The following EBF4 variants were observed in gnomAD, a reference collection of about 807,000 sequenced individuals.
EBF4 encodes EBF transcription factor 4, also known as transcription factor COE4.
A neutral mutation model predicts 67.1 loss-of-function variants in EBF4; 34 were observed. The observed-to-expected ratio is 0.51, with a 90% confidence interval of 0.39 to 0.67. The LOEUF (loss-of-function observed/expected upper bound fraction) is 0.67. EBF4 is among the 30% of genes least tolerant of loss of function. The probability of loss-of-function intolerance (pLI) is 0.00; values close to 1 mark genes in which losing one functional copy is unlikely to be tolerated. For synonymous variants in EBF4, 387 were observed against 377.7 expected (o/e 1.02, Z -0.29); for missense variants, 837 against 873.3 (o/e 0.96, Z 0.52).
chr20:2,752,190 C>T (rs1013494500), exon 13 of EBF4: 243 of 1,427,460 alleles, frequency 1.7e-4, no homozygotes, highest in Non-Finnish European at 2.2e-4. Context: ...CACACCCCGC[C>T]GTCGTGGGCA....
intron 7 of EBF4, 100 bp downstream of exon 7, chr20:2,748,730 G>C: frequency 3.0e-6 from 4 of 1,342,950 alleles, no homozygotes; most frequent in Non-Finnish European, 4.1e-6. Flanking sequence ...CCCTGGGAAA[G>C]GCCTCCAAGG....
Position 2,716,001 on chromosome 20 carries a change from G to A in EBF4, c.557+6359G>A, listed in dbSNP as rs532238942. Among the ~76,000 whole-genome samples, 20 of 151,874 alleles carry A rather than the reference G, an allele frequency of 1.3e-4. No homozygotes were observed. In the East Asian group the frequency reaches 3.7e-3, roughly 28 times the overall value. The stretch of plus-strand genomic sequence containing the variant: ...TGACCTCAAGTGGTCTGCCTGCCTT[G>A]GCCTCCCGAAGTGCTGGGATTACAG... On this transcript the variant is annotated intron_variant, in intron 6 of 16. Coordinates refer to ENST00000609451, the Ensembl canonical transcript of EBF4.
intron 6 of EBF4, among the ~76,000 whole-genome samples, chr20:2,712,637 A>G (rs1194963655): frequency 6.6e-6 from 1 of 152,228 alleles, no homozygotes; most frequent in African/African-American, 2.4e-5. Flanking sequence ...TTCAGGCTGC[A>G]GATGTAAATT....
At chr20:2,738,176 C>T (rs977290261) in intron 6 of EBF4, among the ~76,000 whole-genome samples, 1 of 152,096 alleles carries the variant, frequency 6.6e-6, no homozygotes, top group Non-Finnish European at 1.5e-5. Flanking sequence ...ACCCGCTACC[C>T]ACCTCTCACC....
At chr20:2,734,930 G>A (rs1012202621) in intron 6 of EBF4, among the ~76,000 whole-genome samples, 3 of 152,172 alleles carry the variant, frequency 2.0e-5, no homozygotes, top group African/African-American at 4.8e-5. Flanking sequence ...CCTTTTTTGG[G>A]CATGTGCCTC....
At chr20:2,737,208 C>A (rs569678710) in intron 6 of EBF4, among the ~76,000 whole-genome samples, 1 of 148,780 alleles carries the variant, frequency 6.7e-6, no homozygotes, top group African/African-American at 2.5e-5. Context: ...CGAGATCGCG[C>A]CACTGCACTC....
chr20:2,741,959 A>G (rs1451409142), intron 6 of EBF4, among the ~76,000 whole-genome samples: 1 of 152,218 alleles, frequency 6.6e-6, no homozygotes, highest in African/African-American at 2.4e-5. Flanking sequence ...GCCCAAAACT[A>G]GGAGCAAGAG....
At chr20:2,724,691 G>C (rs184161389) in intron 6 of EBF4, among the ~76,000 whole-genome samples, 120 of 152,254 alleles carry the variant, frequency 7.9e-4, no homozygotes, top group African/African-American at 2.8e-3. Context: ...AATCACCTGA[G>C]CCCAGGAGTT....
At chr20:2,694,841 C>T (rs543202980) in intron 1 of EBF4, among the ~76,000 whole-genome samples, 2 of 152,254 alleles carry the variant, frequency 1.3e-5, no homozygotes, top group South Asian at 4.1e-4. Flanking sequence ...TTCTGCACGC[C>T]GGTCCTTTCC....
chr20:2,752,516 A>G, exon 14 of EBF4: 3 of 1,252,900 alleles, frequency 2.4e-6, no homozygotes, highest in South Asian at 6.5e-5. Context: ...AGCTTCCTCA[A>G]TGGCTCCACC....
intron 1 of EBF4, among the ~76,000 whole-genome samples, chr20:2,700,439 C>G (rs1213347556): frequency 1.3e-5 from 2 of 152,172 alleles, no homozygotes; most frequent in Non-Finnish European, 2.9e-5. Flanking sequence ...CGTGCAGTTT[C>G]TCTCCACACC....
chr20:2,753,674 A>G (rs551070900), intron 14 of EBF4, among the ~76,000 whole-genome samples: 1 of 152,288 alleles, frequency 6.6e-6, no homozygotes, highest in South Asian at 2.1e-4. Flanking sequence ...TCCCTGTCCC[A>G]TATTTGCCAT....
chr20:2,722,555 G>A (rs1454112535), intron 6 of EBF4, among the ~76,000 whole-genome samples: 1 of 152,098 alleles, frequency 6.6e-6, no homozygotes, highest in African/African-American at 2.4e-5. Flanking sequence ...AGCTACCTTG[G>A]TCTCCCTGGA....
chr20:2,751,569 C>A lies in EBF4; in HGVS notation c.1019-131C>A. 1.1e-6 allele frequency: 1 copy of A among 881,296 alleles called. No homozygotes were observed. The highest frequency in any genetic ancestry group is 1.8e-6 in the Non-Finnish European group (1 of 567,718). The allele number at this position is 881,296 out of a possible 1,614,324, so 54.6% of individuals were successfully genotyped here. A position where few individuals can be genotyped will look rare whatever the true frequency, so the allele number is the denominator to read the frequency against. On this transcript the variant is annotated intron_variant, in intron 10 of 16. Coordinates refer to ENST00000609451, the Ensembl canonical transcript of EBF4. This position sits in a 1 kb window ranked among gnomAD's most constrained non-coding sequence, Gnocchi z 5.2. Reference sequence around the variant, plus strand: ...CCTGGAGTTTTCCGGGGGACTTGGGCTGGGCCTGGTGGAGGGGGCTGCAGC... The same window carrying A: ...CCTGGAGTTTTCCGGGGGACTTGGGATGGGCCTGGTGGAGGGGGCTGCAGC...
At chr20:2,733,897 A>G (rs1225263083) in intron 6 of EBF4, among the ~76,000 whole-genome samples, 3 of 151,944 alleles carry the variant, frequency 2.0e-5, no homozygotes, top group Non-Finnish European at 4.4e-5. Context: ...CCTGGGCTGC[A>G]TGTGCCCCGT....
intron 5 of EBF4, 93 bp downstream of exon 5, chr20:2,708,113 G>A: frequency 7.6e-7 from 1 of 1,322,550 alleles, no homozygotes. Flanking sequence ...CCTTGCCCCT[G>A]GCTGCTCTCT....
chr20:2,754,575 A>T (rs1033365805), intron 14 of EBF4, among the ~76,000 whole-genome samples: 4 of 152,186 alleles, frequency 2.6e-5, no homozygotes, highest in African/African-American at 9.7e-5. Flanking sequence ...GCATTCTTGT[A>T]TCAAGGGAGG....
At chr20:2,695,784 A>C (rs757418553) in intron 1 of EBF4, among the ~76,000 whole-genome samples, 8 of 151,332 alleles carry the variant, frequency 5.3e-5, no homozygotes, top group African/African-American at 1.7e-4. Flanking sequence ...CTCCGCCTTC[A>C]TCACGGCCTG....
At chr20:2,731,365 G>C (rs1198555629) in intron 6 of EBF4, among the ~76,000 whole-genome samples, 2 of 152,176 alleles carry the variant, frequency 1.3e-5, no homozygotes, top group African/African-American at 2.4e-5. Flanking sequence ...CTTTTCCTCA[G>C]CTCTCCCCTA....
Sources: gnomAD v4.1 joint callset for allele counts (sites outside exome capture counted in the v4.1 genomes callset) on GRCh38, gnomAD v4.1.1 for gene constraint, Gnocchi (gnomAD v3.1) non-coding constraint, MANE v1.5 for transcripts, NCBI Gene and HGNC (gene_info 2026-07-23, HGNC 2026-07-21) for gene names.